Variants in GALNT16 observed in about 807,000 individuals in gnomAD.
GALNT16 encodes polypeptide N-acetylgalactosaminyltransferase 16.
GALNT16 carries 40 observed loss-of-function variants against 76.1 expected under a neutral mutation model. That is an observed-to-expected ratio of 0.53 (90% CI 0.41 to 0.68). GALNT16 has a LOEUF of 0.68. GALNT16 is among the 30% of genes least tolerant of loss of function. The pLI is 0.00. For synonymous variants in GALNT16, 276 were observed against 285.2 expected (o/e 0.97, Z 0.32); for missense variants, 621 against 731.9 (o/e 0.85, Z 1.75).
the GALNT16 span, among the ~76,000 whole-genome samples, chr14:69,384,920 C>T: frequency 5.9e-5 from 9 of 152,118 alleles, no homozygotes; most frequent in African/African-American, 1.9e-4. Context: ...ATCTCATCTC[C>T]TACCCTCTCT....
At chr14:69,278,322 T>C (rs1192603398) in intron 1 of GALNT16, among the ~76,000 whole-genome samples, 1 of 152,182 alleles carries the variant, frequency 6.6e-6, no homozygotes, top group Non-Finnish European at 1.5e-5. Flanking sequence ...TCTGTCCCTT[T>C]AGACATAATA....
Position 69,352,206 on chromosome 14 carries a change from C to G in GALNT16, c.*38C>G. On this transcript the variant is annotated 3_prime_UTR_variant, in exon 15 of 15. Coordinates refer to ENST00000448469, the MANE Select transcript of GALNT16 (RefSeq NM_001168368.2). ...GGCCTCCTGTACCTTTTGCATGAGA[C>G]TTCGGGACCGGAAGGGGGTTAGGGT... is the stretch of plus-strand genomic sequence containing the variant. The G allele has an allele frequency of 6.4e-7, 1 of 1,556,952 alleles. No homozygotes were observed. The highest frequency in any genetic ancestry group is 8.7e-7 in the Non-Finnish European group (1 of 1,148,626).
At chr14:69,267,129 C>T (rs1213524686) in intron 1 of GALNT16, among the ~76,000 whole-genome samples, 2 of 152,212 alleles carry the variant, frequency 1.3e-5, no homozygotes, top group Admixed American at 6.5e-5. Context: ...CCTGGGGCGG[C>T]GCTGGCTGGC....
intron 1 of GALNT16, among the ~76,000 whole-genome samples, chr14:69,280,245 CT>C (rs144210836): frequency 0.034 from 5,179 of 152,246 alleles, 309 homozygotes; most frequent in African/African-American, 0.12. Context: ...CTTTCTGTCT[CT>C]ATGACTGTGA....
upstream of GALNT16, chr14:69,259,946 A>C: frequency 2.1e-5 from 4 of 187,100 alleles, no homozygotes; most frequent in Non-Finnish European, 2.2e-5. Context: ...CGCGGGAGGA[A>C]GGCCCGCGCC....
At chr14:69,272,856 A>T (rs939599771) in intron 1 of GALNT16, among the ~76,000 whole-genome samples, 1 of 152,260 alleles carries the variant, frequency 6.6e-6, no homozygotes, top group Non-Finnish European at 1.5e-5. Context: ...TTTATAGCCT[A>T]GGAGCAATAG....
chr14:69,284,575 C>T (rs2140120526), intron 1 of GALNT16, among the ~76,000 whole-genome samples: 1 of 152,316 alleles, frequency 6.6e-6, no homozygotes, highest in East Asian at 1.9e-4. Context: ...GGTACAGGAA[C>T]CTCTTATTCA....
At chr14:69,344,380 A>C (rs1038673354) in intron 12 of GALNT16, among the ~76,000 whole-genome samples, 6 of 152,280 alleles carry the variant, frequency 3.9e-5, no homozygotes, top group Non-Finnish European at 8.8e-5. Flanking sequence ...GGCAGTAAGC[A>C]TTCTTCTAAC....
downstream of GALNT16, chr14:69,354,812 T>C (rs76638618): frequency 0.13 from 19,174 of 152,348 alleles, 1,447 homozygotes; most frequent in Middle Eastern, 0.26. Flanking sequence ...CTTCTCCAAA[T>C]AGGTATTGCC....
In GALNT16 at chr14:69,292,812, G is replaced by A. The variant is rs149007918; in HGVS notation, c.178-27899G>A. 5.0e-3 allele frequency among the ~76,000 whole-genome samples: 760 copies of A among 152,332 alleles called. 3 individuals carry two copies. The highest frequency in any genetic ancestry group is 0.017 in the African/African-American group (717 of 41,570). ...GCTAAATTTCCTGTCGTCCCTCCAG[G>A]CTGATGACAGGGTTGGCCCATTGGG... On this transcript the variant is annotated intron_variant, in intron 1 of 14. Coordinates refer to ENST00000448469, the MANE Select transcript of GALNT16 (RefSeq NM_001168368.2).
intron 1 of GALNT16, among the ~76,000 whole-genome samples, chr14:69,293,440 C>T (rs769065177): frequency 3.9e-5 from 6 of 152,196 alleles, no homozygotes; most frequent in Non-Finnish European, 8.8e-5. Context: ...AAATTCAAGC[C>T]ATTTGAGTCA....
chr14:69,370,137 C>T, the GALNT16 span, among the ~76,000 whole-genome samples: 5 of 152,146 alleles, frequency 3.3e-5, no homozygotes, highest in Admixed American at 3.3e-4. Context: ...CATCCCTGGG[C>T]GAGCTCATTA....
the GALNT16 span, among the ~76,000 whole-genome samples, chr14:69,368,452 G>A: frequency 6.6e-6 from 1 of 152,148 alleles, no homozygotes; most frequent in South Asian, 2.1e-4. Flanking sequence ...TCCATGGGCT[G>A]TCTCCATAGG....
At chr14:69,336,914 A>T (rs1023136335) in intron 9 of GALNT16, among the ~76,000 whole-genome samples, 2 of 151,146 alleles carry the variant, frequency 1.3e-5, no homozygotes, top group Admixed American at 6.6e-5. Context: ...TTTAGTAGAG[A>T]CGGGGTTTCA....
the GALNT16 span, among the ~76,000 whole-genome samples, chr14:69,374,357 T>C: frequency 2.0e-5 from 3 of 152,262 alleles, no homozygotes; most frequent in Non-Finnish European, 4.4e-5. Flanking sequence ...CTCTTCTCTA[T>C]CCCTACTGCC....
intron 1 of GALNT16, among the ~76,000 whole-genome samples, chr14:69,318,003 G>A (rs1419696102): frequency 3.3e-5 from 5 of 152,180 alleles, no homozygotes; most frequent in African/African-American, 1.2e-4. Context: ...TGGAATTGTG[G>A]CCAGGAGCCA....
chr14:69,301,590 C>G (rs1023017560), intron 1 of GALNT16, among the ~76,000 whole-genome samples: 1 of 152,132 alleles, frequency 6.6e-6, no homozygotes, highest in Non-Finnish European at 1.5e-5. Flanking sequence ...TCGCCTGCCT[C>G]AGCCTCCCAA....
chr14:69,298,481 A>G (rs1291147696), intron 1 of GALNT16: 1 of 152,358 alleles, frequency 6.6e-6, no homozygotes, highest in Non-Finnish European at 1.5e-5. Flanking sequence ...AACAATTCCA[A>G]ATCTCTGCAC....
At chr14:69,345,087 C>T (rs920400235) in intron 12 of GALNT16, among the ~76,000 whole-genome samples, 4 of 152,218 alleles carry the variant, frequency 2.6e-5, no homozygotes, top group African/African-American at 9.6e-5. Flanking sequence ...GGATTAGTAC[C>T]ATTCTGGAAT....
Sources: gnomAD v4.1 joint callset for allele counts (sites outside exome capture counted in the v4.1 genomes callset) on GRCh38, gnomAD v4.1.1 for gene constraint, MANE v1.5 for transcripts, NCBI Gene and HGNC (gene_info 2026-07-23, HGNC 2026-07-21) for gene names.